The following CCDC178 variants were observed in gnomAD, a reference collection of about 807,000 sequenced individuals.
The protein encoded by CCDC178 is coiled-coil domain containing 178.
Under a neutral mutation model 117.4 loss-of-function variants are expected in CCDC178, and 126 were observed. That is an observed-to-expected ratio of 1.07 (90% confidence interval 0.93 to 1.24). The LOEUF (loss-of-function observed/expected upper bound fraction) is 1.24, where lower values mean the gene tolerates loss of function less well. Among genes scored for constraint, CCDC178 ranks in the 50% most tolerant of loss-of-function variants. The pLI is 0.00. For synonymous variants in CCDC178, 283 were observed against 313.4 expected (o/e 0.90, Z 1.02); for missense variants, 1,030 against 986.9 (o/e 1.04, Z -0.59).
intron 14 of CCDC178, among the ~76,000 whole-genome samples, chr18:33,251,615 T>C (rs2059619252): frequency 6.6e-6 from 1 of 151,776 alleles, no homozygotes; most frequent in Admixed American, 6.6e-5. Context: ...CATATGTTTT[T>C]ATAAAGTTTG....
At chr18:33,385,783 C>G (rs1172108741) in intron 5 of CCDC178, among the ~76,000 whole-genome samples, 1 of 152,096 alleles carries the variant, frequency 6.6e-6, no homozygotes, top group Non-Finnish European at 1.5e-5. Flanking sequence ...ACCCTAACAT[C>G]ACAACTAAAT....
chr18:33,404,956 T>A lies in CCDC178; in HGVS notation c.58+7075A>T, dbSNP rs114309121. ...CAGATTTGTGGTTCCAGAGGCTGGG[T>A]AGAGGAGGAATGGGGAAAGAATGCT... On this transcript the variant is annotated intron_variant, in intron 3 of 22. Transcript: ENST00000383096. Among the ~76,000 whole-genome samples the A allele has an allele frequency of 9.0e-3, 1,364 of 151,972 alleles. 18 individuals are homozygous for A. Among genetic ancestry groups the A allele is most frequent in the African/African-American group, 0.031 (1,303 of 41,472 alleles).
chr18:33,239,640 T>A (rs1344986293), intron 15 of CCDC178, among the ~76,000 whole-genome samples: 1 of 151,816 alleles, frequency 6.6e-6, no homozygotes, highest in Non-Finnish European at 1.5e-5. Context: ...AAAAGATTAA[T>A]TCAGTAAGAG....
At chr18:33,310,227 G>A (rs552622618) in intron 11 of CCDC178, among the ~76,000 whole-genome samples, 2 of 152,184 alleles carry the variant, frequency 1.3e-5, no homozygotes, top group Admixed American at 1.3e-4. Flanking sequence ...CCAAAATGCT[G>A]GGATTACAGG....
chr18:33,090,878 A>G (rs1216178475), intron 21 of CCDC178, among the ~76,000 whole-genome samples: 1 of 152,210 alleles, frequency 6.6e-6, no homozygotes, highest in Non-Finnish European at 1.5e-5. Context: ...CAGTCCTTGT[A>G]TCTTGCATCA....
chr18:33,274,355 A>C (rs1042032594), intron 12 of CCDC178, among the ~76,000 whole-genome samples: 2 of 152,008 alleles, frequency 1.3e-5, no homozygotes, highest in African/African-American at 4.8e-5. Context: ...GCAGTTCCTC[A>C]AAATGTTAAA....
chr18:33,215,494 CTTAT>C (rs1052777509), intron 19 of CCDC178, 52 bp downstream of exon 19: 32 of 950,396 alleles, frequency 3.4e-5, no homozygotes, highest in Non-Finnish European at 1.9e-5. Flanking sequence ...GAAATTTGAT[CTTAT>C]TTATTAATAT....
chr18:33,126,030 G>C (rs2144233477), intron 20 of CCDC178, among the ~76,000 whole-genome samples: 1 of 152,244 alleles, frequency 6.6e-6, no homozygotes, highest in South Asian at 2.1e-4. Flanking sequence ...TTTTAGTTTT[G>C]TGTGTTTGTG....
intron 20 of CCDC178, among the ~76,000 whole-genome samples, chr18:33,198,366 C>T (rs983206190): frequency 6.6e-6 from 1 of 152,102 alleles, no homozygotes; most frequent in African/African-American, 2.4e-5. Context: ...AAACAATTTC[C>T]TGGCTCTGGT....
chr18:33,277,621 T>A (rs1047491751), intron 12 of CCDC178, among the ~76,000 whole-genome samples: 2 of 152,076 alleles, frequency 1.3e-5, no homozygotes, highest in African/African-American at 4.8e-5. Context: ...CTAATCTCAT[T>A]AAGGTTGTAA....
intron 20 of CCDC178, among the ~76,000 whole-genome samples, chr18:33,181,788 G>A (rs1598970710): frequency 6.6e-6 from 1 of 151,748 alleles, no homozygotes; most frequent in Non-Finnish European, 1.5e-5. Context: ...TATACTTGCT[G>A]CCAACTACAT....
intron 12 of CCDC178, among the ~76,000 whole-genome samples, chr18:33,272,295 AAAC>A (rs1272552795): frequency 6.6e-6 from 1 of 151,594 alleles, no homozygotes; most frequent in African/African-American, 2.4e-5. Context: ...CAAATTAGAT[AAAC>A]AACATGAAAT....
chr18:33,106,623 T>C (rs775381773), intron 20 of CCDC178, among the ~76,000 whole-genome samples: 5 of 151,648 alleles, frequency 3.3e-5, no homozygotes, highest in African/African-American at 9.7e-5. Flanking sequence ...TTGATAGTTA[T>C]CAAAGAAAGG....
intron 16 of CCDC178, among the ~76,000 whole-genome samples, chr18:33,225,652 GT>G (rs1429381150): frequency 1.3e-5 from 2 of 152,160 alleles, no homozygotes; most frequent in Non-Finnish European, 2.9e-5. Context: ...ATATATGCAA[GT>G]ACTGCAATAT....
intron 5 of CCDC178, among the ~76,000 whole-genome samples, chr18:33,384,089 C>T (rs1259725993): frequency 5.3e-5 from 8 of 151,804 alleles, no homozygotes; most frequent in South Asian, 2.1e-4. Flanking sequence ...ATAGCTGAAT[C>T]GATCAAGCAG....
chr18:33,381,964 C>T (rs2063443762), intron 5 of CCDC178, among the ~76,000 whole-genome samples: 1 of 151,872 alleles, frequency 6.6e-6, no homozygotes, highest in African/African-American at 2.4e-5. Context: ...ATAGATATTC[C>T]AGTATCTTGA....
chr18:33,401,305 C>T (rs181538370), intron 3 of CCDC178, among the ~76,000 whole-genome samples: 31 of 152,212 alleles, frequency 2.0e-4, no homozygotes, highest in Non-Finnish European at 1.5e-4. Context: ...AGAGTTGCCA[C>T]AAACCTCAAA....
At chr18:33,338,850 T>A (rs2062777303) in intron 9 of CCDC178, among the ~76,000 whole-genome samples, 2 of 152,008 alleles carry the variant, frequency 1.3e-5, no homozygotes, top group African/African-American at 2.4e-5. Flanking sequence ...AACTTATTCA[T>A]GTAACCCAAC....
intron 21 of CCDC178, among the ~76,000 whole-genome samples, chr18:32,981,492 G>A (rs1468826944): frequency 6.6e-6 from 1 of 152,130 alleles, no homozygotes; most frequent in African/African-American, 2.4e-5. Flanking sequence ...TTTACTTATA[G>A]TTTATATATA....
Sources: gnomAD v4.1 joint callset for allele counts (sites outside exome capture counted in the v4.1 genomes callset) on GRCh38, gnomAD v4.1.1 for gene constraint, MANE v1.5 for transcripts, NCBI Gene and HGNC (gene_info 2026-07-23, HGNC 2026-07-21) for gene names.